The following LHFPL3 variants were observed in gnomAD, a reference collection of about 807,000 sequenced individuals.
LHFPL3 encodes LHFPL tetraspan subfamily member 3, also known as LHFPL tetraspan subfamily member 3 protein.
A neutral mutation model predicts 19.3 loss-of-function variants in LHFPL3; 5 were observed. That is an observed-to-expected ratio of 0.26 (90% confidence interval 0.14 to 0.54). The LOEUF is 0.54. Ranked by LOEUF, LHFPL3 falls within the 20% of genes least tolerant of loss-of-function variation. LHFPL3 has a pLI of 0.94. For missense variants in LHFPL3, 249 were observed against 307.4 expected, an observed-to-expected ratio of 0.81 and a Z score of 1.42; for synonymous variants, 133 against 126.2, an observed-to-expected ratio of 1.05 and a Z score of -0.36.
chr7:104,526,652 C>T (rs2385173), intron 1 of LHFPL3, among the ~76,000 whole-genome samples: 82,264 of 152,042 alleles, frequency 0.54, 22,386 homozygotes, highest in Middle Eastern at 0.63. Context: ...AGAAATGTTA[C>T]CCAGACTTTT....
intron 1 of LHFPL3, among the ~76,000 whole-genome samples, chr7:104,548,112 A>G (rs1458422712): frequency 1.3e-5 from 2 of 152,152 alleles, no homozygotes; most frequent in African/African-American, 4.8e-5. Context: ...CCTGATCAAT[A>G]TTTTTGTCTT....
At chr7:104,457,145 T>A (rs1792559028) in intron 1 of LHFPL3, among the ~76,000 whole-genome samples, 2 of 152,114 alleles carry the variant, frequency 1.3e-5, no homozygotes, top group African/African-American at 4.8e-5. Context: ...ATACTTCAAG[T>A]TTTAGGGTAC....
chr7:104,719,469 T>G (rs12112298), intron 1 of LHFPL3, among the ~76,000 whole-genome samples: 1,620 of 152,300 alleles, frequency 0.011, 37 homozygotes, highest in African/African-American at 0.037. Context: ...CAAATGTTTA[T>G]ACATGAATTT....
intron 1 of LHFPL3, among the ~76,000 whole-genome samples, chr7:104,433,356 A>T (rs1792036935): frequency 6.6e-6 from 1 of 152,104 alleles, no homozygotes; most frequent in African/African-American, 2.4e-5. Flanking sequence ...TGCCCTGAAG[A>T]TCTTGGAAAC....
intron 1 of LHFPL3, among the ~76,000 whole-genome samples, chr7:104,671,609 A>G (rs1792485143): frequency 6.6e-6 from 1 of 151,826 alleles, no homozygotes; most frequent in Admixed American, 6.6e-5. Context: ...AGGAAAAAAT[A>G]CAGACTTTTC....
chr7:104,678,978 C>T (rs753198425), intron 1 of LHFPL3, among the ~76,000 whole-genome samples: 5 of 152,224 alleles, frequency 3.3e-5, no homozygotes, highest in Non-Finnish European at 7.3e-5. Flanking sequence ...TATTATACCT[C>T]TTAATTGTGC....
chr7:104,733,655 T>C (rs1793746290), intron 1 of LHFPL3, among the ~76,000 whole-genome samples: 1 of 152,234 alleles, frequency 6.6e-6, no homozygotes, highest in African/African-American at 2.4e-5. Flanking sequence ...CAGCACCTGA[T>C]GGGTCTTGAC....
At chr7:104,695,323 A>G (rs143991292) in intron 1 of LHFPL3, among the ~76,000 whole-genome samples, 128 of 152,302 alleles carry the variant, frequency 8.4e-4, no homozygotes, top group African/African-American at 2.9e-3. Context: ...ATTCAATATA[A>G]TTGCCACAGA....
chr7:104,499,578 A>G (rs1793558287), intron 1 of LHFPL3, among the ~76,000 whole-genome samples: 1 of 152,210 alleles, frequency 6.6e-6, no homozygotes, highest in Non-Finnish European at 1.5e-5. Flanking sequence ...CAAGAGAATG[A>G]GGGACTTCTT....
chr7:104,562,486 G>A (rs1790028079), intron 1 of LHFPL3, among the ~76,000 whole-genome samples: 1 of 152,122 alleles, frequency 6.6e-6, no homozygotes, highest in Non-Finnish European at 1.5e-5. Context: ...GGCTCCTGAG[G>A]CTTCTGCATT....
At chr7:104,528,677 T>C (rs889951250) in intron 1 of LHFPL3, among the ~76,000 whole-genome samples, 17 of 152,328 alleles carry the variant, frequency 1.1e-4, no homozygotes, top group African/African-American at 3.8e-4. Context: ...TGTGGAATTA[T>C]TTAGTGTTCC....
chr7:104,793,504 G>T (rs1790062483), intron 2 of LHFPL3, among the ~76,000 whole-genome samples: 1 of 152,134 alleles, frequency 6.6e-6, no homozygotes. Flanking sequence ...ATATTGTCAA[G>T]AATAATAATA....
chr7:104,583,336 T>A (rs1340399457), intron 1 of LHFPL3, among the ~76,000 whole-genome samples: 1 of 152,164 alleles, frequency 6.6e-6, no homozygotes, highest in African/African-American at 2.4e-5. Context: ...ACTTAAATGT[T>A]AGACCTAAAA....
chr7:104,662,724 A>C (rs1273409557), intron 1 of LHFPL3, among the ~76,000 whole-genome samples: 1 of 152,222 alleles, frequency 6.6e-6, no homozygotes, highest in Non-Finnish European at 1.5e-5. Flanking sequence ...GATGAAACTT[A>C]TCTTGGCTCC....
chr7:104,522,943 C>A (rs1003242260), intron 1 of LHFPL3, among the ~76,000 whole-genome samples: 1 of 151,092 alleles, frequency 6.6e-6, no homozygotes, highest in Non-Finnish European at 1.5e-5. Context: ...ACAGGGTCAT[C>A]TGCTGTCTGT....
chr7:104,549,169 A>G (rs2115901579), intron 1 of LHFPL3, among the ~76,000 whole-genome samples: 1 of 152,232 alleles, frequency 6.6e-6, no homozygotes, highest in South Asian at 2.1e-4. Context: ...GTAATGGGAA[A>G]GTCCACACTC....
At chr7:104,515,535 C>G in intron 1 of LHFPL3, among the ~76,000 whole-genome samples, 1 of 152,268 alleles carries the variant, frequency 6.6e-6, no homozygotes, top group East Asian at 1.9e-4. Flanking sequence ...CCAGCGTTAC[C>G]TCCTCCAGTT....
At chr7:104,516,715 A>AC (rs1232779227) in intron 1 of LHFPL3, among the ~76,000 whole-genome samples, 2 of 152,168 alleles carry the variant, frequency 1.3e-5, no homozygotes, top group African/African-American at 4.8e-5. Context: ...AATTAGTTCA[A>AC]CCATTATGGA....
intron 1 of LHFPL3, among the ~76,000 whole-genome samples, chr7:104,364,465 C>G (rs550774854): frequency 6.6e-6 from 1 of 152,318 alleles, no homozygotes; most frequent in East Asian, 1.9e-4. Context: ...GCAAAGCTGG[C>G]AGTAGAAGTT....
Sources: allele counts gnomAD v4.1 joint callset (sites outside exome capture counted in the v4.1 genomes callset), GRCh38; gene constraint gnomAD v4.1.1; transcripts MANE v1.5; gene names NCBI Gene and HGNC (gene_info 2026-07-23, HGNC 2026-07-21).